NF1: variants seen among roughly 807,000 people sequenced by gnomAD.
NF1 encodes the protein neurofibromin 1, also known as neurofibromin.
In NF1, 122 loss-of-function variants were observed where a neutral mutation model predicts 325.7. The observed-to-expected ratio is 0.37, with a 90% confidence interval of 0.32 to 0.44. The LOEUF is 0.44. Among genes scored for constraint, NF1 ranks in the 20% least tolerant of loss-of-function variants. The pLI, the probability that NF1 is intolerant of heterozygous loss-of-function variation, is 1.00. For missense variants in NF1, 2,140 were observed against 3,415.4 expected (o/e 0.63, Z 9.31); for synonymous variants, 1,091 against 1,186.0 (o/e 0.92, Z 1.65).
intron 3 of NF1, among the ~76,000 whole-genome samples, chr17:31,160,670 T>A (rs1354218239): frequency 6.6e-6 from 1 of 152,216 alleles, no homozygotes; most frequent in African/African-American, 2.4e-5. Context: ...ATTACCAGTA[T>A]ATCAGCCACA....
intron 29 of NF1, among the ~76,000 whole-genome samples, chr17:31,245,659 A>T (rs1421006227): frequency 2.0e-5 from 3 of 152,218 alleles, no homozygotes; most frequent in Non-Finnish European, 4.4e-5. Flanking sequence ...GAAAAGATGC[A>T]CATAGGGCAA....
intron 1 of NF1, among the ~76,000 whole-genome samples, chr17:31,132,282 C>T (rs1915449155): frequency 6.6e-6 from 1 of 152,048 alleles, no homozygotes; most frequent in African/African-American, 2.4e-5. Flanking sequence ...TGGGTCATGC[C>T]TGTAATCCCA....
intron 36 of NF1, among the ~76,000 whole-genome samples, chr17:31,274,512 C>T (rs1364796090): frequency 6.6e-6 from 1 of 152,076 alleles, no homozygotes; most frequent in East Asian, 1.9e-4. Flanking sequence ...TGAATAGAAC[C>T]ATGCTTGGTA....
At chr17:31,295,055 G>A (rs754561572) in intron 36 of NF1, 10 of 1,614,014 alleles carry the variant, frequency 6.2e-6, no homozygotes, top group African/African-American at 2.7e-5. Flanking sequence ...GAGAAATGAA[G>A]CATTTACTTT....
At chr17:31,284,611 G>A (rs1053928086) in intron 36 of NF1, among the ~76,000 whole-genome samples, 1 of 151,668 alleles carries the variant, frequency 6.6e-6, no homozygotes, top group African/African-American at 2.4e-5. Context: ...TATAGAGACG[G>A]GGTTTCGCTA....
intron 1 of NF1, among the ~76,000 whole-genome samples, chr17:31,123,071 C>T (rs556507578): frequency 2.6e-4 from 40 of 152,306 alleles, no homozygotes; most frequent in Non-Finnish European, 4.7e-4. Context: ...CATGTTAAAA[C>T]TAGCGCATAG....
chr17:31,117,405 G>A (rs952520937), intron 1 of NF1, among the ~76,000 whole-genome samples: 6 of 151,248 alleles, frequency 4.0e-5, no homozygotes, highest in Non-Finnish European at 8.8e-5. Flanking sequence ...AGGCGCGGTG[G>A]CTCATGCCTG....
intron 30 of NF1, chr17:31,249,807 C>A: frequency 2.8e-6 from 1 of 357,346 alleles, no homozygotes; most frequent in Non-Finnish European, 5.5e-6. Flanking sequence ...ATTATTTATT[C>A]CAAGGGAGGT....
chr17:31,322,256 G>A (rs1468593935), intron 36 of NF1, among the ~76,000 whole-genome samples: 4 of 152,004 alleles, frequency 2.6e-5, no homozygotes, highest in Non-Finnish European at 5.9e-5. Context: ...GACGCAGGCA[G>A]ATCACTTGAG....
Position 31,336,128 on chromosome 17 carries a change from G to T in NF1, c.6007-205G>T, listed in dbSNP as rs1196416382. Among the ~76,000 whole-genome samples, 1 of 152,016 alleles carries T rather than the reference G, an allele frequency of 6.6e-6. No individual in the cohort carries two copies. The highest frequency in any genetic ancestry group is 2.4e-5 in the African/African-American group (1 of 41,394). On this transcript the variant is annotated intron_variant, in intron 40 of 57. Coordinates refer to ENST00000358273, the MANE Select transcript of NF1 (RefSeq NM_001042492.3). This position sits in a 1 kb window ranked among gnomAD's most constrained non-coding sequence, Gnocchi z 5.5. ...AATACCAATCTCTTAATCTCTGAAG[G>T]AGTCAAATGAATATACTCATCCTTT...
At chr17:31,332,353 A>G (rs1429227732) in intron 39 of NF1, among the ~76,000 whole-genome samples, 1 of 151,772 alleles carries the variant, frequency 6.6e-6, no homozygotes, top group Admixed American at 6.6e-5. Flanking sequence ...AGTCCCAGCT[A>G]CTCAGGAGGC....
intron 36 of NF1, among the ~76,000 whole-genome samples, chr17:31,311,296 T>A (rs1467340558): frequency 2.0e-5 from 3 of 151,974 alleles, no homozygotes; most frequent in Non-Finnish European, 2.9e-5. Flanking sequence ...ACTTAAAGGG[T>A]CCAGCATTTA....
rs759286941 is a variant in NF1, at chr17:31,163,149, A to G, written c.289-37A>G. On this transcript the variant is annotated intron_variant, in intron 3 of 57. Transcript: ENST00000358273. ...ATAATAGAAAATGTTTACAGGTAAA[A>G]TTAAAGTTTAGAATAATGTGATTAT... 2.5e-6 allele frequency: 4 copies of G among 1,605,622 alleles called. No homozygotes were observed. In the African/African-American group the frequency reaches 4.0e-5, roughly 16 times the overall value.
chr17:31,113,182 T>TA (rs1376771557), intron 1 of NF1, among the ~76,000 whole-genome samples: 1 of 152,194 alleles, frequency 6.6e-6, no homozygotes, highest in Non-Finnish European at 1.5e-5. Flanking sequence ...TCTTAACAGG[T>TA]ATTGTTTTTT....
At chr17:31,180,867 C>T (rs1387878408) in intron 5 of NF1, among the ~76,000 whole-genome samples, 2 of 152,208 alleles carry the variant, frequency 1.3e-5, no homozygotes, top group African/African-American at 4.8e-5. Context: ...AGCCCAAAAT[C>T]TCCTTAAGCT....
At chr17:31,263,458 G>A (rs187119489) in intron 35 of NF1, among the ~76,000 whole-genome samples, 178 of 149,926 alleles carry the variant, frequency 1.2e-3, no homozygotes, top group African/African-American at 4.1e-3. Flanking sequence ...ATATAAATAA[G>A]TAAAAAGAAA....
chr17:31,341,538 A>G (rs886393152), intron 47 of NF1, among the ~76,000 whole-genome samples: 3 of 152,068 alleles, frequency 2.0e-5, no homozygotes, highest in Non-Finnish European at 2.9e-5. Context: ...AAAAGTGTGT[A>G]TACATATATT....
intron 5 of NF1, among the ~76,000 whole-genome samples, chr17:31,174,955 A>T (rs892216200): frequency 1.3e-5 from 2 of 151,916 alleles, no homozygotes; most frequent in Non-Finnish European, 2.9e-5. Context: ...CTAAAAATAC[A>T]AAAATTAGCT....
At chr17:31,296,182 T>C (rs2068460768) in intron 36 of NF1, 1 of 1,613,426 alleles carries the variant, frequency 6.2e-7, no homozygotes, top group Non-Finnish European at 8.5e-7. Flanking sequence ...GCAGTCCAGA[T>C]GGTAATGTAG....
Sources: allele counts gnomAD v4.1 joint callset (sites outside exome capture counted in the v4.1 genomes callset), GRCh38; gene constraint gnomAD v4.1.1; non-coding constraint Gnocchi (gnomAD v3.1); transcripts MANE v1.5; gene names NCBI Gene and HGNC (gene_info 2026-07-23, HGNC 2026-07-21).